SYT2: variants seen among roughly 807,000 people sequenced by gnomAD.
The protein encoded by SYT2 is synaptotagmin 2.
In SYT2, 15 loss-of-function variants were observed where a neutral mutation model predicts 39.9. The observed-to-expected ratio is 0.38, with a 90% CI of 0.25 to 0.58. The LOEUF is 0.58. SYT2 is among the 20% of genes least tolerant of loss of function. The pLI, the probability that SYT2 is intolerant of heterozygous loss-of-function variation, is 0.70. For synonymous variants in SYT2, 181 were observed against 204.5 expected, an observed-to-expected ratio of 0.89 and a Z score of 0.98; for missense variants, 389 against 530.3, an observed-to-expected ratio of 0.73 and a Z score of 2.62.
chr1:202,694,491 G>T (rs1038406688), intron 1 of SYT2, among the ~76,000 whole-genome samples: 4 of 152,138 alleles, frequency 2.6e-5, no homozygotes, highest in Non-Finnish European at 5.9e-5. Context: ...CTGCCCACGT[G>T]GTGAGGGACA....
rs746859189 is a variant in SYT2 at position 202,597,027 on chromosome 1, C to T, written c.1054-64G>A. On this transcript the variant is annotated intron_variant, in intron 8 of 8. Transcript: ENST00000367268. ...CGTGGGATCCCATGACCAAATTTATCCTCCATCAACCTCTACTCCCAATGA... is the reference window on the plus strand; with the variant it reads ...CGTGGGATCCCATGACCAAATTTATTCTCCATCAACCTCTACTCCCAATGA... 941 of 1,388,910 alleles carry T rather than the reference C, an allele frequency of 6.8e-4. 2 individuals carry two copies. Among genetic ancestry groups the T allele is most frequent in the Non-Finnish European group, 8.4e-4 (829 of 988,966 alleles). 86.0% of individuals were successfully genotyped at this position (1,388,910 alleles called of 1,614,324 possible). A position where few individuals can be genotyped will look rare whatever the true frequency, so the allele number is the denominator to read the frequency against.
chr1:202,642,624 T>C (rs191609872), intron 1 of SYT2, among the ~76,000 whole-genome samples: 64 of 152,242 alleles, frequency 4.2e-4, no homozygotes, highest in Non-Finnish European at 8.1e-4. Flanking sequence ...GGGTGGAAAA[T>C]GCAGCCGCTC....
In SYT2 at chr1:202,623,567, C is replaced by T. The variant is rs4021890; in HGVS notation, c.-17-17778G>A. The stretch of plus-strand genomic sequence containing the variant: ...TTGGGAGCAGGCCGGGAAGGGTGGG[C>T]GACCCGGAATGAGTGATTGAGTGGG... On this transcript the variant is annotated intron_variant, in intron 1 of 8. Transcript: ENST00000367268. The surrounding 1 kb of genome is among the most constrained non-coding windows in gnomAD (Gnocchi z 4.2). 2.0e-5 allele frequency among the ~76,000 whole-genome samples: 3 copies of T among 152,198 alleles called. No individual in the cohort carries two copies. Among genetic ancestry groups the T allele is most frequent in the Admixed American group, 1.3e-4 (2 of 15,284 alleles).
chr1:202,611,805 G>C (rs1558429462), intron 1 of SYT2, among the ~76,000 whole-genome samples: 1 of 152,152 alleles, frequency 6.6e-6, no homozygotes, highest in African/African-American at 2.4e-5. Flanking sequence ...TTACTCCTTT[G>C]TTTTCTTATG....
At chr1:202,686,305 C>A (rs952630359) in intron 1 of SYT2, among the ~76,000 whole-genome samples, 5 of 152,192 alleles carry the variant, frequency 3.3e-5, no homozygotes, top group Non-Finnish European at 5.9e-5. Context: ...GCAGATATTT[C>A]CTTATAACAA....
At chr1:202,682,628 C>T (rs552157739) in intron 1 of SYT2, among the ~76,000 whole-genome samples, 4 of 152,150 alleles carry the variant, frequency 2.6e-5, no homozygotes, top group South Asian at 4.2e-4. Context: ...AAGCACGGAG[C>T]GGATTCGGGC....
intron 1 of SYT2, among the ~76,000 whole-genome samples, chr1:202,618,121 C>T (rs373339573): frequency 2.0e-5 from 3 of 152,016 alleles, no homozygotes; most frequent in South Asian, 2.1e-4. Context: ...AGGCTGGTCT[C>T]GAACTCCTGA....
intron 1 of SYT2, among the ~76,000 whole-genome samples, chr1:202,640,775 AGAGAGAGAGAGAG>A (rs1691889913): frequency 6.7e-6 from 1 of 150,118 alleles, no homozygotes; most frequent in East Asian, 1.9e-4. Context: ...AGAGAGAGAG[AGAGAGAGAGAGAG>A]AGAGACAGAC....
intron 1 of SYT2, among the ~76,000 whole-genome samples, chr1:202,657,706 T>C (rs902806586): frequency 6.6e-6 from 1 of 151,774 alleles, no homozygotes. Flanking sequence ...AGAAACTGAG[T>C]GCAGTCAGCA....
rs1438273713 is a variant in SYT2 at position 202,628,685 on chromosome 1, A to G, written c.-17-22896T>C. 5.3e-5 allele frequency among the ~76,000 whole-genome samples: 8 copies of G among 152,062 alleles called. No homozygotes were observed. The highest frequency in any genetic ancestry group is 3.3e-4 in the Admixed American group (5 of 15,262). Reference sequence around the variant, plus strand: ...GAGGGATGAACCATGGCCTCAAAACACCCATGGGCTGGAGGAGGGGAGCAG... The same window carrying G: ...GAGGGATGAACCATGGCCTCAAAACGCCCATGGGCTGGAGGAGGGGAGCAG... On this transcript the variant is annotated intron_variant, in intron 1 of 8. Coordinates refer to ENST00000367268, the MANE Select transcript of SYT2 (RefSeq NM_177402.5). This position sits in a 1 kb window ranked among gnomAD's most constrained non-coding sequence, Gnocchi z 4.2.
intron 1 of SYT2, among the ~76,000 whole-genome samples, chr1:202,681,117 G>GA: frequency 6.6e-6 from 1 of 151,886 alleles, no homozygotes; most frequent in South Asian, 2.1e-4. Context: ...CTGGCTCCTG[G>GA]TCTCACCTAG....
At chr1:202,641,289 C>G (rs527629828) in intron 1 of SYT2, among the ~76,000 whole-genome samples, 9 of 152,320 alleles carry the variant, frequency 5.9e-5, no homozygotes, top group African/African-American at 2.2e-4. Context: ...TTGGGAATTC[C>G]TGGAGACCAC....
At chr1:202,660,313 C>T (rs1692353407) in intron 1 of SYT2, among the ~76,000 whole-genome samples, 1 of 152,306 alleles carries the variant, frequency 6.6e-6, no homozygotes, top group Non-Finnish European at 1.5e-5. Context: ...ACCTCAGTTT[C>T]CTCATCTGTA....
chr1:202,637,242 G>A (rs1691763408), intron 1 of SYT2, among the ~76,000 whole-genome samples: 2 of 152,038 alleles, frequency 1.3e-5, no homozygotes, highest in East Asian at 3.9e-4. Flanking sequence ...TCCCAGCTAT[G>A]TGGGATGCTG....
Position 202,605,623 on chromosome 1 carries a change from C to A in SYT2, c.150G>T (p.Lys50Asn), listed in dbSNP as rs371333320. ...QEDMFAKLKE[K>N]LFNEINKIPL... is the part of the protein sequence containing the mutation. ...GAATCTTGTTTATCTCATTGAATAA[C>A]TTCTCCTTCAGTTTGGCAAACATGT... Residue 50 changes from lysine to asparagine, a missense_variant, in exon 2 of 9, where the codon AAG becomes AAT. Around this residue, in one of 4 missense-constraint regions of SYT2, gnomAD observed 280 missense variants for 335.6 expected, o/e 0.83. Coordinates refer to ENST00000367268, the MANE Select transcript of SYT2 (RefSeq NM_177402.5). 61 of 1,613,972 alleles carry A rather than the reference C, an allele frequency of 3.8e-5. No homozygotes were observed. The African/African-American group carries it at 7.3e-4, about 19-fold the overall frequency.
rs1306298991 is a variant in SYT2 at position 202,614,208 on chromosome 1, G to A, written c.-17-8419C>T. Among the ~76,000 whole-genome samples, 1 of 152,190 alleles carries A rather than the reference G, an allele frequency of 6.6e-6. No homozygotes were observed. The highest frequency in any genetic ancestry group is 1.5e-5 in the Non-Finnish European group (1 of 68,032). ...GACGCTTAATGCTCCTGAGGTTCAG[G>A]GAATCTGCAGGCCAGGAATGAAGGG... On this transcript the variant is annotated intron_variant, in intron 1 of 8. Transcript: ENST00000367268. The surrounding 1 kb of genome is among the most constrained non-coding windows in gnomAD (Gnocchi z 4.0).
rs771823406 is a variant in SYT2 at position 202,710,095 on chromosome 1, C to G, written c.-18+163G>C. ...TCCATCCGGACGCTTCCAAACTCCC[C>G]CAAAGGACGGGGCAGACTCCCGGCC... On this transcript the variant is annotated intron_variant, in intron 1 of 8. Transcript: ENST00000367268. 6.8e-4 allele frequency among the ~76,000 whole-genome samples: 104 copies of G among 152,120 alleles called. 1 individual carries two copies. The highest frequency in any genetic ancestry group is 8.5e-4 in the Admixed American group (13 of 15,282).
chr1:202,710,074 T>A (rs578017078), intron 1 of SYT2, among the ~76,000 whole-genome samples, 184 bp downstream of exon 1: 1 of 151,646 alleles, frequency 6.6e-6, no homozygotes, highest in African/African-American at 2.4e-5. Context: ...GAACCTTCCA[T>A]CCGGACGCTT....
intron 1 of SYT2, among the ~76,000 whole-genome samples, chr1:202,620,783 GGAA>G (rs1691183234): frequency 6.6e-6 from 1 of 152,134 alleles, no homozygotes; most frequent in Admixed American, 6.5e-5. Flanking sequence ...GGCTGGAGGA[GGAA>G]GGTGGGGTGA....
Sources: gnomAD v4.1 joint callset for allele counts (sites outside exome capture counted in the v4.1 genomes callset) on GRCh38, gnomAD v4.1.1 for gene constraint, gnomAD v4.1.1 regional missense constraint, Gnocchi (gnomAD v3.1) non-coding constraint, MANE v1.5 for transcripts, NCBI Gene and HGNC (gene_info 2026-07-23, HGNC 2026-07-21) for gene names.